ANKRD11: variants seen among roughly 807,000 people sequenced by gnomAD.
ANKRD11 encodes the protein ankyrin repeat domain-containing protein 11.
Under a neutral mutation model 195.7 loss-of-function variants are expected in ANKRD11, and 17 were observed. That is an observed-to-expected ratio of 0.09 (90% CI 0.06 to 0.13). The LOEUF is 0.13. ANKRD11 is among the 10% of genes least tolerant of loss of function. The probability of loss-of-function intolerance (pLI) is 1.00; values close to 1 mark genes in which losing one functional copy is unlikely to be tolerated. For missense variants in ANKRD11, 3,735 were observed against 3,566.1 expected (o/e 1.05, Z -1.21); for synonymous variants, 1,953 against 1,528.1 (o/e 1.28, Z -6.49).
At chr16:89,477,264 C>T (rs947499223) in intron 1 of ANKRD11, among the ~76,000 whole-genome samples, 1 of 151,548 alleles carries the variant, frequency 6.6e-6, no homozygotes, top group African/African-American at 2.4e-5. Context: ...GCCATCTCGG[C>T]TCACTGCAAC....
intron 4 of ANKRD11, 186 bp downstream of exon 4, chr16:89,305,020 G>A (rs554249391): frequency 1.0e-4 from 90 of 863,190 alleles, no homozygotes; most frequent in South Asian, 9.8e-4. Flanking sequence ...CCTGAGCCTC[G>A]GGTGCAAAGG....
At chr16:89,489,177 G>C (rs1267684477) in intron 1 of ANKRD11, 1 of 152,094 alleles carries the variant, frequency 6.6e-6, no homozygotes, top group Non-Finnish European at 1.5e-5. Context: ...CCCTCTTTGA[G>C]AGGGGACTGA....
intron 1 of ANKRD11, among the ~76,000 whole-genome samples, chr16:89,428,614 G>A (rs1023007858): frequency 2.6e-5 from 4 of 151,944 alleles, no homozygotes; most frequent in Admixed American, 6.6e-5. Context: ...CACTGTCATA[G>A]GCCAGGCATG....
rs573172569 is a variant in ANKRD11, at chr16:89,302,543, G to A, written c.226+2663C>T. Among the ~76,000 whole-genome samples the A allele has an allele frequency of 4.6e-5, 7 of 152,288 alleles. 1 individual carries two copies. The South Asian group carries it at 1.0e-3, about 23-fold the overall frequency. On this transcript the variant is annotated intron_variant, in intron 4 of 12. Transcript: ENST00000301030. ...TGGGATTACAGCCGTGAGCCACCGC[G>A]CCTGGCTGTGGACTTGCTACTTTAA...
At chr16:89,446,614 A>G (rs1030662743) in intron 1 of ANKRD11, among the ~76,000 whole-genome samples, 1 of 152,114 alleles carries the variant, frequency 6.6e-6, no homozygotes, top group Non-Finnish European at 1.5e-5. Context: ...AAACAAAAAC[A>G]AAAACCAAAA....
At chr16:89,401,364 C>T (rs943792911) in intron 2 of ANKRD11, among the ~76,000 whole-genome samples, 17 of 152,166 alleles carry the variant, frequency 1.1e-4, no homozygotes, top group Non-Finnish European at 2.2e-4. Context: ...GCACGAGCCA[C>T]TGCGTCTGGC....
chr16:89,438,093 C>A (rs184445691), intron 1 of ANKRD11, among the ~76,000 whole-genome samples: 1 of 152,184 alleles, frequency 6.6e-6, no homozygotes, highest in Non-Finnish European at 1.5e-5. Flanking sequence ...AGGAGGGCAC[C>A]GCAAGCTTGG....
intron 1 of ANKRD11, among the ~76,000 whole-genome samples, chr16:89,471,558 A>C (rs1351515417): frequency 6.6e-6 from 1 of 152,126 alleles, no homozygotes; most frequent in African/African-American, 2.4e-5. Context: ...TCTGGGAGGT[A>C]GAGGTGGGCA....
chr16:89,318,890 G>A (rs1223847216), intron 2 of ANKRD11, among the ~76,000 whole-genome samples: 7 of 152,232 alleles, frequency 4.6e-5, no homozygotes. Context: ...GATGCCTGAG[G>A]CCAGACATAT....
intron 3 of ANKRD11, among the ~76,000 whole-genome samples, chr16:89,308,808 G>C (rs995488777): frequency 2.6e-5 from 4 of 152,128 alleles, no homozygotes; most frequent in Non-Finnish European, 5.9e-5. Flanking sequence ...CGTGAGAAAC[G>C]GGTGCACACC....
At chr16:89,321,076 G>C (rs948763627) in intron 2 of ANKRD11, 1 of 152,620 alleles carries the variant, frequency 6.6e-6, no homozygotes, top group African/African-American at 2.4e-5. Flanking sequence ...CAGAGCCTTC[G>C]CCTGAACCAT....
At chr16:89,370,281 C>A (rs2040137270) in intron 2 of ANKRD11, among the ~76,000 whole-genome samples, 1 of 152,206 alleles carries the variant, frequency 6.6e-6, no homozygotes, top group South Asian at 2.1e-4. Flanking sequence ...CTGTGCCCAA[C>A]TATGTGGCAG....
chr16:89,421,156 A>G (rs2042495059), intron 1 of ANKRD11, among the ~76,000 whole-genome samples: 1 of 148,004 alleles, frequency 6.8e-6, no homozygotes, highest in Non-Finnish European at 1.5e-5. Flanking sequence ...TGACGGAGTC[A>G]GGGATGGGAC....
rs113193563 is a variant in ANKRD11, at chr16:89,273,888, G to T, written c.7713+926C>A. Among the ~76,000 whole-genome samples the T allele has an allele frequency of 6.4e-3, 972 of 152,204 alleles. 6 individuals are homozygous for T. Among genetic ancestry groups the T allele is most frequent in the Non-Finnish European group, 0.011 (750 of 68,002 alleles). On this transcript the variant is annotated intron_variant, in intron 11 of 12. Transcript: ENST00000301030. ...GCCCAGGGCTGGGGTGGCGTCAAGG[G>T]GGGCACATATTACGAGGGCTCTCGG...
At chr16:89,478,293 C>T (rs980243844) in intron 1 of ANKRD11, among the ~76,000 whole-genome samples, 1 of 152,022 alleles carries the variant, frequency 6.6e-6, no homozygotes, top group African/African-American at 2.4e-5. Context: ...GCACGTCGGA[C>T]TATCACCCTA....
intron 2 of ANKRD11, among the ~76,000 whole-genome samples, chr16:89,361,858 A>G (rs1315157176): frequency 6.6e-6 from 1 of 152,130 alleles, no homozygotes; most frequent in Non-Finnish European, 1.5e-5. Context: ...AAAAATCCGC[A>G]CTCTAGATAA....
At chr16:89,429,278 A>T (rs71374177) in intron 1 of ANKRD11, among the ~76,000 whole-genome samples, 23 of 82,028 alleles carry the variant, frequency 2.8e-4, no homozygotes, top group East Asian at 8.4e-4. Flanking sequence ...TCACGCTCAG[A>T]CGTTCTAGTA....
At chr16:89,332,995 T>G (rs1427760941) in intron 2 of ANKRD11, among the ~76,000 whole-genome samples, 2 of 152,208 alleles carry the variant, frequency 1.3e-5, no homozygotes, top group Non-Finnish European at 2.9e-5. Flanking sequence ...TTTCCCATCC[T>G]GTGCACCCGG....
chr16:89,314,145 G>C (rs181263197), intron 3 of ANKRD11, among the ~76,000 whole-genome samples: 1 of 152,000 alleles, frequency 6.6e-6, no homozygotes, highest in African/African-American at 2.4e-5. Context: ...GACTGCTTGA[G>C]CCTGGGGCAG....
Sources: gnomAD v4.1 joint callset for allele counts (sites outside exome capture counted in the v4.1 genomes callset) on GRCh38, gnomAD v4.1.1 for gene constraint, MANE v1.5 for transcripts, NCBI Gene and HGNC (gene_info 2026-07-23, HGNC 2026-07-21) for gene names.